Variants in MEGF10 observed in about 807,000 individuals in gnomAD.
MEGF10 encodes the protein multiple EGF like domains 10.
In MEGF10, 86 loss-of-function variants were observed where a neutral mutation model predicts 147.5. The ratio of observed to expected loss-of-function variants is 0.58; its 90% CI spans 0.49 to 0.70. MEGF10 has a LOEUF of 0.70. Ranked by LOEUF, MEGF10 falls within the 30% of genes least tolerant of loss-of-function variation. The pLI, the probability that MEGF10 is intolerant of heterozygous loss-of-function variation, is 0.00. For synonymous variants in MEGF10, 478 were observed against 525.5 expected (o/e 0.91, Z 1.24); for missense variants, 1,329 against 1,487.3 (o/e 0.89, Z 1.75).
chr5:127,379,361 C>T (rs1438884526), intron 5 of MEGF10, among the ~76,000 whole-genome samples: 1 of 152,072 alleles, frequency 6.6e-6, no homozygotes, highest in Non-Finnish European at 1.5e-5. Flanking sequence ...CTGGAATTTC[C>T]CCTTACAGTT....
rs1190218622 is a variant in MEGF10 at position 127,369,894 on chromosome 5, A to AT, written c.320-12dup. On this transcript the variant is annotated splice_polypyrimidine_tract_variant and intron_variant, in intron 4 of 24. Transcript: ENST00000503335. ...TGTGCCAACTTTCTTTATTTGATTG[A>AT]TTTTCTCTCTGACAGCCCACTGTGC... 3 of 1,587,960 alleles carry AT rather than the reference A, an allele frequency of 1.9e-6. No individual in the cohort carries two copies. The highest frequency in any genetic ancestry group is 1.8e-5 in the Admixed American group (1 of 56,688).
chr5:127,382,824 T>C (rs1763306983), intron 5 of MEGF10, among the ~76,000 whole-genome samples: 2 of 152,202 alleles, frequency 1.3e-5, no homozygotes, highest in African/African-American at 4.8e-5. Context: ...GAAACCTGAT[T>C]GACCAATGAA....
At chr5:127,236,474 C>G in the MEGF10 span, among the ~76,000 whole-genome samples, 1 of 152,126 alleles carries the variant, frequency 6.6e-6, no homozygotes, top group East Asian at 1.9e-4. Flanking sequence ...TTTGCCAAGC[C>G]CTGGTCTAGA....
chr5:127,249,350 A>G, the MEGF10 span, among the ~76,000 whole-genome samples: 1 of 150,786 alleles, frequency 6.6e-6, no homozygotes, highest in African/African-American at 2.5e-5. Flanking sequence ...ACAGAGAGAG[A>G]GAGAGAAGAA....
At chr5:127,377,290 C>A (rs1440698483) in intron 5 of MEGF10, among the ~76,000 whole-genome samples, 1 of 152,164 alleles carries the variant, frequency 6.6e-6, no homozygotes, top group Non-Finnish European at 1.5e-5. Context: ...TTTATAATTT[C>A]CCAAACATCT....
intron 14 of MEGF10, 60 bp downstream of exon 14, chr5:127,433,569 TA>T: frequency 6.5e-7 from 1 of 1,534,924 alleles, no homozygotes; most frequent in Non-Finnish European, 8.8e-7. Context: ...ATGTATCGAA[TA>T]ATGATCTCTG....
At chr5:127,302,725 A>G (rs1759827301) in intron 1 of MEGF10, among the ~76,000 whole-genome samples, 1 of 152,204 alleles carries the variant, frequency 6.6e-6, no homozygotes, top group African/African-American at 2.4e-5. Flanking sequence ...CCTTTGTTGC[A>G]TACTGAGGAG....
At chr5:127,415,732 C>T (rs967699199) in intron 9 of MEGF10, among the ~76,000 whole-genome samples, 5 of 151,438 alleles carry the variant, frequency 3.3e-5, no homozygotes, top group African/African-American at 9.7e-5. Flanking sequence ...GGTGAAATTC[C>T]ATCTCTACTA....
At chr5:127,232,601 G>T in the MEGF10 span, among the ~76,000 whole-genome samples, 5 of 152,272 alleles carry the variant, frequency 3.3e-5, no homozygotes, top group African/African-American at 1.2e-4. Context: ...GGGAGGAGCA[G>T]ATGTGAAATG....
chr5:127,286,593 A>C (rs556494486), upstream of MEGF10, among the ~76,000 whole-genome samples: 1 of 152,044 alleles, frequency 6.6e-6, no homozygotes, highest in East Asian at 1.9e-4. Context: ...ATTAGAGAGG[A>C]GTTTATAATT....
chr5:127,416,895 A>G (rs968791305), intron 9 of MEGF10, among the ~76,000 whole-genome samples: 3 of 152,352 alleles, frequency 2.0e-5, no homozygotes, highest in African/African-American at 7.2e-5. Flanking sequence ...TCACTTAGCA[A>G]ATGTATGGAT....
chr5:127,388,553 A>C (rs1472041734), intron 5 of MEGF10, among the ~76,000 whole-genome samples: 2 of 143,712 alleles, frequency 1.4e-5, no homozygotes, highest in African/African-American at 2.6e-5. Context: ...TTATTTATTT[A>C]TTTATTTTTT....
intron 4 of MEGF10, among the ~76,000 whole-genome samples, chr5:127,345,451 G>A (rs1412616215): frequency 6.6e-6 from 1 of 152,168 alleles, no homozygotes; most frequent in African/African-American, 2.4e-5. Flanking sequence ...AAAGACCAGA[G>A]CAGAGAGTGT....
chr5:127,243,554 G>GA, the MEGF10 span, among the ~76,000 whole-genome samples: 1 of 152,060 alleles, frequency 6.6e-6, no homozygotes, highest in African/African-American at 2.4e-5. Context: ...TCACAGTCTA[G>GA]AAAAAATAAA....
chr5:127,257,220 A>G, the MEGF10 span, among the ~76,000 whole-genome samples: 1 of 151,648 alleles, frequency 6.6e-6, no homozygotes, highest in South Asian at 2.1e-4. Context: ...CTCTGTGGGA[A>G]TTGACTCTTC....
chr5:127,440,767 T>C lies in MEGF10; in HGVS notation c.2262T>C (p.Asp754=), dbSNP rs1765725993. The stretch of plus-strand genomic sequence containing the variant: ...GTCCTCTAGGGTTTTATGGAAAAGA[T>C]TGTGCACTGATATGCCAATGTCAAA... ...QRCPLGFYGK[D]CALICQCQNG... The change falls in exon 18 of 25, where the codon GAT becomes GAC. Residue 754 remains aspartate (D), a synonymous_variant. Coordinates refer to ENST00000503335, the MANE Select transcript of MEGF10 (RefSeq NM_001256545.2). The C allele has an allele frequency of 2.5e-6, 4 of 1,613,986 alleles. No individual in the cohort carries two copies. The highest frequency in any genetic ancestry group is 1.7e-5 in the Admixed American group (1 of 59,996).
At chr5:127,311,996 A>G (rs776950440) in intron 1 of MEGF10, among the ~76,000 whole-genome samples, 12 of 152,174 alleles carry the variant, frequency 7.9e-5, no homozygotes, top group Non-Finnish European at 1.8e-4. Context: ...GAGCTAGGAA[A>G]TGCTTTAAAT....
chr5:127,433,416 C>T lies in MEGF10; in HGVS notation c.1747C>T (p.Leu583=). 6.2e-7 allele frequency: 1 copy of T among 1,614,186 alleles called. No individual in the cohort carries two copies. The change falls in exon 14 of 25, where the codon CTG becomes TTG. Residue 583 remains leucine, a synonymous_variant. Coordinates refer to ENST00000503335, the MANE Select transcript of MEGF10 (RefSeq NM_001256545.2). The part of the protein sequence containing the change: ...AEGRWGPNCS[L]PCYCKNGASC... Reference sequence around the variant, plus strand: ...GGGACGCTGGGGCCCCAACTGCTCCCTGCCCTGCTACTGTAAAAATGGGGC... The same window carrying T: ...GGGACGCTGGGGCCCCAACTGCTCCTTGCCCTGCTACTGTAAAAATGGGGC...
At chr5:127,336,319 A>G (rs1349018101) in intron 2 of MEGF10, among the ~76,000 whole-genome samples, 2 of 151,946 alleles carry the variant, frequency 1.3e-5, no homozygotes, top group Admixed American at 1.3e-4. Context: ...ATGGAAAGCT[A>G]TATTGTATTA....
Sources: gnomAD v4.1 joint callset for allele counts (sites outside exome capture counted in the v4.1 genomes callset) on GRCh38, gnomAD v4.1.1 for gene constraint, MANE v1.5 for transcripts, NCBI Gene and HGNC (gene_info 2026-07-23, HGNC 2026-07-21) for gene names.